ZNF569: variants seen among roughly 807,000 people sequenced by gnomAD.
ZNF569 encodes zinc finger protein 569, also known as DNA-binding protein.
In ZNF569, 38 loss-of-function variants were observed where a neutral mutation model predicts 56.3. The ratio of observed to expected loss-of-function variants is 0.68; its 90% CI spans 0.52 to 0.88. The LOEUF is 0.88. Among genes scored for constraint, ZNF569 ranks in the 40% least tolerant of loss-of-function variants. The pLI is 0.00. For synonymous variants in ZNF569, 241 were observed against 262.9 expected (o/e 0.92, Z 0.81); for missense variants, 666 against 809.2 (o/e 0.82, Z 2.15).
rs2041123057 is a variant in ZNF569 at position 37,425,902 on chromosome 19, C to T, written c.204G>A (p.Val68=). The T allele has an allele frequency of 1.2e-6, 2 of 1,614,046 alleles. No individual in the cohort carries two copies. The highest frequency in any genetic ancestry group is 8.5e-7 in the Non-Finnish European group (1 of 1,179,944). Residue 68 remains valine, a synonymous_variant, in exon 5 of 6, where the codon GTG becomes GTA. Transcript: ENST00000316950. The part of the protein sequence containing the change: ...FKLEQEEEPW[V]MEEEVLRRHW... ...GTCTCCTTAATACTTCTTCCTCCAT[C>T]ACCCATGGTTCTTCTTCTTGCTCCA...
At chr19:37,444,816 G>A in intron 3 of ZNF569, 91 bp downstream of exon 3, 2 of 993,190 alleles carry the variant, frequency 2.0e-6, no homozygotes, top group Admixed American at 2.4e-5. Context: ...TATGTATACA[G>A]ACCTTTATAA....
intron 3 of ZNF569, among the ~76,000 whole-genome samples, chr19:37,433,026 C>T (rs1443395622): frequency 6.6e-6 from 1 of 151,400 alleles, no homozygotes; most frequent in African/African-American, 2.4e-5. Flanking sequence ...ACCTCAGCCT[C>T]CCAAAGAGCA....
chr19:37,469,201 A>T, upstream of ZNF569: 1 of 1,271,074 alleles, frequency 7.9e-7, no homozygotes, highest in Non-Finnish European at 1.0e-6. Flanking sequence ...GGTGGGGAGG[A>T]GGCCGTGTTA....
chr19:37,468,139 T>A, upstream of ZNF569: 1 of 592,330 alleles, frequency 1.7e-6, no homozygotes, highest in South Asian at 2.1e-5. Flanking sequence ...GGCTGGAGAG[T>A]GCAGCGGCGC....
chr19:37,412,477 G>A lies in ZNF569; in HGVS notation c.*120C>T, dbSNP rs1192169179. On this transcript the variant is annotated 3_prime_UTR_variant, in exon 6 of 6. Coordinates refer to ENST00000316950, the MANE Select transcript of ZNF569 (RefSeq NM_152484.3). ...TTCTCTAATGTTTCATAAATTTGTG[G>A]CTTTTTCAGAAGGCTATCCCACATT... 1.3e-5 allele frequency: 18 copies of A among 1,361,910 alleles called. No homozygotes were observed. Among genetic ancestry groups the A allele is most frequent in the Non-Finnish European group, 1.7e-5 (18 of 1,055,796 alleles). 84.4% of individuals were successfully genotyped at this position (1,361,910 alleles called of 1,614,324 possible).
In ZNF569 at chr19:37,441,605, G is replaced by A. The variant is rs1016667947; in HGVS notation, c.15+3302C>T. ...GAGCCCAGCAGGCAGAGGTTGCAGC[G>A]AGCTGAGATTGTGCCACGCCAGCCT... is the stretch of plus-strand genomic sequence containing the variant. On this transcript the variant is annotated intron_variant, in intron 3 of 5. Transcript: ENST00000316950. Among the ~76,000 whole-genome samples, 7 of 151,822 alleles carry A rather than the reference G, an allele frequency of 4.6e-5. No individual in the cohort carries two copies. In the East Asian group the frequency reaches 9.7e-4, roughly 21 times the overall value.
intron 2 of ZNF569, among the ~76,000 whole-genome samples, chr19:37,454,372 A>C (rs1015848): frequency 0.2 from 31,134 of 151,876 alleles, 3,387 homozygotes; most frequent in South Asian, 0.32. Flanking sequence ...TTATGATCTC[A>C]CTAAGCCTCA....
chr19:37,467,222 C>G lies in ZNF569; in HGVS notation c.-343G>C, dbSNP rs887139938. ...GCGCCACAAGTCTCGGTCCGTTACACCAGGGGCGACGCTTCCCAGAGGCCC... is the reference window on the plus strand; with the variant it reads ...GCGCCACAAGTCTCGGTCCGTTACAGCAGGGGCGACGCTTCCCAGAGGCCC... On this transcript the variant is annotated 5_prime_UTR_variant, in exon 1 of 6. Coordinates refer to ENST00000316950, the MANE Select transcript of ZNF569 (RefSeq NM_152484.3). 37 of 152,434 alleles carry G rather than the reference C, an allele frequency of 2.4e-4. No individual in the cohort carries two copies. The highest frequency in any genetic ancestry group is 3.2e-4 in the Non-Finnish European group (22 of 68,202). 9.4% of individuals were successfully genotyped at this position (152,434 alleles called of 1,614,324 possible).
intron 3 of ZNF569, among the ~76,000 whole-genome samples, chr19:37,443,733 G>A (rs1466874474): frequency 2.0e-5 from 3 of 151,856 alleles, no homozygotes; most frequent in African/African-American, 4.8e-5. Flanking sequence ...CGGGCCGGGC[G>A]CAGTGGCTCA....
intron 3 of ZNF569, among the ~76,000 whole-genome samples, chr19:37,427,059 T>C (rs1366709914): frequency 1.3e-5 from 2 of 152,208 alleles, no homozygotes; most frequent in Non-Finnish European, 2.9e-5. Flanking sequence ...GGCTCATGCC[T>C]GTAATCCCAG....
intron 3 of ZNF569, among the ~76,000 whole-genome samples, chr19:37,434,687 T>C (rs1276378722): frequency 6.6e-6 from 1 of 152,148 alleles, no homozygotes; most frequent in Admixed American, 6.5e-5. Context: ...GAAGTGAAAA[T>C]AGCCTTAACT....
chr19:37,416,967 T>C (rs1291763689), intron 5 of ZNF569, among the ~76,000 whole-genome samples: 2 of 152,152 alleles, frequency 1.3e-5, no homozygotes, highest in East Asian at 1.9e-4. Context: ...AATAGGGTCA[T>C]TGAAGATGAA....
chr19:37,449,988 C>A (rs947887420), intron 2 of ZNF569, among the ~76,000 whole-genome samples: 1 of 152,136 alleles, frequency 6.6e-6, no homozygotes, highest in African/African-American at 2.4e-5. Flanking sequence ...TAATTGCACA[C>A]TTTTTATTAT....
In ZNF569 at chr19:37,413,927, C is replaced by G. The variant is rs1011622461; in HGVS notation, c.731G>C (p.Cys244Ser). Reference sequence around the variant, plus strand: ...AATGAAAGCTTTACCACATTCATTACATTTGTAAGACTGCTCCCTACTGTG... The same window carrying G: ...AATGAAAGCTTTACCACATTCATTAGATTTGTAAGACTGCTCCCTACTGTG... ...KIHSREQSYK[C>S]NECGKAFIKM... The change falls in exon 6 of 6, where the codon TGT becomes TCT. Residue 244 changes from cysteine (C) to serine (S), a missense_variant. Physicochemically the swap from Cys to Ser is moderately radical, Grantham distance 112. Transcript: ENST00000316950. 9.3e-6 allele frequency: 15 copies of G among 1,613,318 alleles called. No homozygotes were observed. Among genetic ancestry groups the G allele is most frequent in the Middle Eastern group, 1.6e-4 (1 of 6,080 alleles).
chr19:37,435,597 T>C (rs2041296230), intron 3 of ZNF569, among the ~76,000 whole-genome samples: 1 of 151,736 alleles, frequency 6.6e-6, no homozygotes, highest in South Asian at 2.1e-4. Flanking sequence ...GACCCAAAAA[T>C]CCATTGCCTA....
chr19:37,452,998 A>T (rs1470453160), intron 2 of ZNF569, among the ~76,000 whole-genome samples: 1 of 151,746 alleles, frequency 6.6e-6, no homozygotes, highest in Non-Finnish European at 1.5e-5. Flanking sequence ...ACTCTTTTTC[A>T]TTATTTTTTA....
intron 3 of ZNF569, among the ~76,000 whole-genome samples, chr19:37,428,033 CA>C (rs2041163941): frequency 1.3e-5 from 2 of 152,154 alleles, no homozygotes; most frequent in African/African-American, 2.4e-5. Flanking sequence ...TTTTAAAAAT[CA>C]GCACCAAAGA....
intron 3 of ZNF569, among the ~76,000 whole-genome samples, chr19:37,429,711 G>A (rs369409945): frequency 6.6e-6 from 1 of 152,146 alleles, no homozygotes; most frequent in African/African-American, 2.4e-5. Flanking sequence ...ATTAAAGTCT[G>A]GACTATTACA....
intron 2 of ZNF569, among the ~76,000 whole-genome samples, chr19:37,456,975 A>G (rs1401093868): frequency 7.0e-6 from 1 of 142,970 alleles, no homozygotes; most frequent in Non-Finnish European, 1.5e-5. Context: ...CTCAAAAAAA[A>G]AAAAACAAAA....
Sources: allele counts gnomAD v4.1 joint callset (sites outside exome capture counted in the v4.1 genomes callset), GRCh38; gene constraint gnomAD v4.1.1; transcripts MANE v1.5; gene names NCBI Gene and HGNC (gene_info 2026-07-23, HGNC 2026-07-21).